TINF2: variants seen among roughly 807,000 people sequenced by gnomAD.
The protein encoded by TINF2 is TERF1-interacting nuclear factor 2.
TINF2 carries 27 observed loss-of-function variants against 50.4 expected under a neutral mutation model. That is an observed-to-expected ratio of 0.54 (90% CI 0.40 to 0.74). The LOEUF is 0.74. Ranked by LOEUF, TINF2 falls within the 30% of genes least tolerant of loss-of-function variation. The probability of loss-of-function intolerance (pLI) is 0.00; values close to 1 mark genes in which losing one functional copy is unlikely to be tolerated. For missense variants in TINF2, 496 were observed against 551.5 expected (o/e 0.90, Z 1.01); for synonymous variants, 223 against 214.6 (o/e 1.04, Z -0.34).
chr14:24,239,934 G>T lies in TINF2; in HGVS notation c.1222-3C>A, dbSNP rs760553298. ...TTCTGATAGTTTTCCAGAGATTCCTGTAGAGAAGGGAGCAGGGAGAGCCTA... is the reference window on the plus strand; with the variant it reads ...TTCTGATAGTTTTCCAGAGATTCCTTTAGAGAAGGGAGCAGGGAGAGCCTA... On this transcript the variant is annotated splice_region_variant and splice_polypyrimidine_tract_variant and intron_variant, in intron 8 of 8. Transcript: ENST00000267415. The T allele has an allele frequency of 1.2e-5, 19 of 1,614,158 alleles. No homozygotes were observed. The South Asian group carries it at 2.0e-4, about 17-fold the overall frequency.
At position 24,240,792 on chromosome 14, in the gene TINF2, G is replaced by T; in HGVS notation, c.688C>A (p.Pro230Thr). 1 of 1,614,016 alleles carries T rather than the reference G, an allele frequency of 6.2e-7. No individual in the cohort carries two copies. The highest frequency in any genetic ancestry group is 8.5e-7 in the Non-Finnish European group (1 of 1,180,016). ...GTGCCAGGCTTGGCTTTTGGCAGGG[G>T]ATTGTGGAGTGCTAGTCTTTGTTGC... The part of the protein sequence containing the change: ...PQQQRLALHN[P>T]LPKAKPGTHL... Residue 230 changes from proline to threonine, a missense_variant, in exon 6 of 9, where the codon CCC becomes ACC. By Grantham distance (38) the Pro-to-Thr change is conservative (BLOSUM62 -1). Coordinates refer to ENST00000267415, the MANE Select transcript of TINF2 (RefSeq NM_001099274.3).
chr14:24,239,893 G>A lies in TINF2; in HGVS notation c.1260C>T (p.Thr420=). ...LENYQKTKFD[T]LIPTLCEYLP... is the part of the protein sequence containing the mutation. ...GGTATTCACAGAGAGTGGGTATCAA[G>A]GTGTCAAACTTTGTCTTCTGATAGT... The change falls in exon 9 of 9, where the codon ACC becomes ACT. Residue 420 remains threonine, a synonymous_variant. Coordinates refer to ENST00000267415, the MANE Select transcript of TINF2 (RefSeq NM_001099274.3). 6.2e-7 allele frequency: 1 copy of A among 1,614,196 alleles called. No homozygotes were observed. The highest frequency in any genetic ancestry group is 8.5e-7 in the Non-Finnish European group (1 of 1,180,030).
rs753246049 is a variant in TINF2, at chr14:24,241,787, T to C, written c.298-11A>G. 6.2e-7 allele frequency: 1 copy of C among 1,613,734 alleles called. No individual in the cohort carries two copies. Among genetic ancestry groups the C allele is most frequent in the Non-Finnish European group, 8.5e-7 (1 of 1,179,744 alleles). On this transcript the variant is annotated splice_polypyrimidine_tract_variant and intron_variant, in intron 2 of 8. Transcript: ENST00000267415. ...CAGATCCTGCTTTGTCTGTTGAGGA[T>C]ACAGAAGACAGAGAAGTTAGCACCA... is the stretch of plus-strand genomic sequence containing the variant.
Position 24,240,448 on chromosome 14 carries a change from T to C in TINF2, c.1032A>G (p.Pro344=), listed in dbSNP as rs1295609085. 4.3e-6 allele frequency: 7 copies of C among 1,614,216 alleles called. No homozygotes were observed. In the South Asian group the frequency reaches 7.7e-5, roughly 18 times the overall value. The part of the protein sequence containing the change: ...TLGGRALKEN[P]VDLPATEQKE... ...TTTGCTCTGTGGCAGGCAAGTCAAC[T>C]GGGTTCTCCTTCAGAGCCCTTCCCC... is the stretch of plus-strand genomic sequence containing the variant. The change falls in exon 6 of 9, where the codon CCA becomes CCG. Residue 344 remains proline, a synonymous_variant. Coordinates refer to ENST00000267415, the MANE Select transcript of TINF2 (RefSeq NM_001099274.3).
Position 24,240,894 on chromosome 14 carries a change from C to T in TINF2, c.605-19G>A. 1.2e-6 allele frequency: 2 copies of T among 1,614,032 alleles called. No individual in the cohort carries two copies. Among genetic ancestry groups the T allele is most frequent in the Non-Finnish European group, 1.7e-6 (2 of 1,180,010 alleles). Reference sequence around the variant, plus strand: ...GAGCACTCTGAAAAAGAAAATGAGGCCCCTTATAAAGAGAACAGATAGTAA... The same window carrying T: ...GAGCACTCTGAAAAAGAAAATGAGGTCCCTTATAAAGAGAACAGATAGTAA... On this transcript the variant is annotated intron_variant, in intron 5 of 8. Transcript: ENST00000267415.
rs754494652 is a variant in TINF2 at position 24,242,306 on chromosome 14, G to A, written c.27C>T (p.Pro9=). The change falls in exon 1 of 9, where the codon CCC becomes CCT. Residue 9 remains proline, a synonymous_variant. Coordinates refer to ENST00000267415, the MANE Select transcript of TINF2 (RefSeq NM_001099274.3). MATPLVAG[P]AALRFAAAAS... ...CCGCGGCGGCGAAGCGTAGAGCTGC[G>A]GGACCCGCCACCAGGGGCGTAGCCA... 6.2e-7 allele frequency: 1 copy of A among 1,612,948 alleles called. No individual in the cohort carries two copies. Among genetic ancestry groups the A allele is most frequent in the East Asian group, 2.2e-5 (1 of 44,862 alleles).
rs747931728 is a variant in TINF2 at position 24,241,711 on chromosome 14, C to G, written c.363G>C (p.Leu121=). The stretch of plus-strand genomic sequence containing the variant: ...AGGCCAAATCCACAGGAGCCTCTGA[C>G]AGCTGCTTCACCTGCTGGTAAAAAG... ...QETFYQQVKQ[L]SEAPVDLASK... is the part of the protein sequence containing the mutation. The change falls in exon 3 of 9, where the codon CTG becomes CTC. Residue 121 remains leucine, a synonymous_variant. Transcript: ENST00000267415. The G allele has an allele frequency of 6.2e-7, 1 of 1,613,086 alleles. No individual in the cohort carries two copies. Among genetic ancestry groups the G allele is most frequent in the Non-Finnish European group, 8.5e-7 (1 of 1,179,524 alleles).
Position 24,240,310 on chromosome 14 carries a change from A to ATGTAGCAAT in TINF2, c.1073_1081dup (p.Tyr360_Met361insAsnCysTyr), listed in dbSNP as rs776727691. The ATGTAGCAAT allele has an allele frequency of 3.1e-5, 50 of 1,613,986 alleles. No homozygotes were observed. The African/African-American group carries it at 6.0e-4, about 19-fold the overall frequency. On this transcript the variant is annotated inframe_insertion, in exon 7 of 9. Coordinates refer to ENST00000267415, the MANE Select transcript of TINF2 (RefSeq NM_001099274.3). ...TAATAATGATAGTCTCAGGGGGTCC[A>ATGTAGCAAT]TGTAGCAATCCAAGCAATTCCTGAG...
At position 24,242,542 on chromosome 14, in the gene TINF2, G is replaced by A; in HGVS notation, c.-210C>T. ...CTTCTGGCTCGGGCTGGAGGAGCCT[G>A]AGTGGAGAAGCTGACCGTCTCCAGT... On this transcript the variant is annotated 5_prime_UTR_variant, in exon 1 of 9. Coordinates refer to ENST00000267415, the MANE Select transcript of TINF2 (RefSeq NM_001099274.3). 1 of 1,416,882 alleles carries A rather than the reference G, an allele frequency of 7.1e-7. No individual in the cohort carries two copies. The highest frequency in any genetic ancestry group is 9.2e-7 in the Non-Finnish European group (1 of 1,089,586). The allele number at this position is 1,416,882 out of a possible 1,614,324, so 87.8% of individuals were successfully genotyped here. A position where few individuals can be genotyped will look rare whatever the true frequency, so the allele number is the denominator to read the frequency against.
At position 24,240,691 on chromosome 14, in the gene TINF2, T is replaced by A; in HGVS notation, c.789A>T (p.Leu263=). ...LAGRHFNLAP[L]GRRRVQSQWA... ...ATTGGGACTGAACTCTTCGTCGGCC[T>A]AGAGGGGCCAGATTGAAGTGTCGGC... Residue 263 remains leucine, a synonymous_variant, in exon 6 of 9, where the codon CTA becomes CTT. Coordinates refer to ENST00000267415, the MANE Select transcript of TINF2 (RefSeq NM_001099274.3). 1 of 1,614,008 alleles carries A rather than the reference T, an allele frequency of 6.2e-7. No individual in the cohort carries two copies. The highest frequency in any genetic ancestry group is 1.7e-5 in the Admixed American group (1 of 59,990).
In TINF2 at chr14:24,240,567, T is replaced by C. The variant is rs149375623; in HGVS notation, c.913A>G (p.Ser305Gly). Reference protein sequence around the residue: ...SPTQVISKPESKEEHAIYTAD... With the variant: ...SPTQVISKPEGKEEHAIYTAD... Reference sequence around the variant, plus strand: ...GTGTATATCGCATGTTCTTCCTTGCTCTCAGGCTTAGATATGACCTGGGTT... The same window carrying C: ...GTGTATATCGCATGTTCTTCCTTGCCCTCAGGCTTAGATATGACCTGGGTT... Residue 305 changes from serine to glycine, a missense_variant, in exon 6 of 9, where the codon AGC becomes GGC. By Grantham distance (56) the Ser-to-Gly change is moderately conservative. Coordinates refer to ENST00000267415, the MANE Select transcript of TINF2 (RefSeq NM_001099274.3). 11 of 1,614,202 alleles carry C rather than the reference T, an allele frequency of 6.8e-6. No homozygotes were observed. Among genetic ancestry groups the C allele is most frequent in the Non-Finnish European group, 9.3e-6 (11 of 1,180,036 alleles).
At position 24,241,943 on chromosome 14, in the gene TINF2, C is replaced by T. The variant is rs1226118232; in HGVS notation, c.244G>A (p.Ala82Thr). Residue 82 changes from alanine (A) to threonine (T), a missense_variant, in exon 2 of 9, where the codon GCC becomes ACC. Ala to Thr is a moderately conservative substitution (Grantham distance 58, BLOSUM62 0). Around this residue, in one of 3 missense-constraint regions of TINF2, gnomAD observed 314 missense variants for 343.8 expected, o/e 0.91. Transcript: ENST00000267415. The part of the protein sequence containing the change: ...QGRPWAQVLK[A>T]LNHHFPESGP... ...GATTCTGGAAAGTGGTGATTCAGGG[C>T]TTTCAGGACTTGGGCCCAAGGCCGG... 1 of 1,614,240 alleles carries T rather than the reference C, an allele frequency of 6.2e-7. No homozygotes were observed. Among genetic ancestry groups the T allele is most frequent in the South Asian group, 1.1e-5 (1 of 91,090 alleles).
chr14:24,242,091 A>T (rs1337181657), intron 1 of TINF2, 50 bp downstream of exon 1: 1 of 1,614,160 alleles, frequency 6.2e-7, no homozygotes, highest in Non-Finnish European at 8.5e-7. Context: ...AGGTGCTCGC[A>T]TCCCGCCCCT....
rs1290755897 is a variant in TINF2, at chr14:24,239,656, A to G, written c.*141T>C. 1.9e-6 allele frequency: 3 copies of G among 1,560,160 alleles called. No individual in the cohort carries two copies. The highest frequency in any genetic ancestry group is 2.3e-5 in the East Asian group (1 of 42,804). On this transcript the variant is annotated 3_prime_UTR_variant, in exon 9 of 9. Coordinates refer to ENST00000267415, the MANE Select transcript of TINF2 (RefSeq NM_001099274.3). The stretch of plus-strand genomic sequence containing the variant: ...ATCAAGGCAGTATTTTAACAAATCC[A>G]AAGTTTAATTATTAAGGATTACAAA...
intron 2 of TINF2, 38 bp downstream of exon 2, chr14:24,241,852 T>A (rs369327266): frequency 1.1e-5 from 18 of 1,613,744 alleles, no homozygotes; most frequent in Non-Finnish European, 1.4e-5. Context: ...CTGCACCAAG[T>A]GTAACTGGGG....
Position 24,239,748 on chromosome 14 carries a change from C to T in TINF2, c.*49G>A, listed in dbSNP as rs1594548243. ...CACTTCATTCCTACTAAACTACTTG[C>T]AGAGCTGAGGAGGCAGGAGACTAGA... On this transcript the variant is annotated 3_prime_UTR_variant, in exon 9 of 9. Transcript: ENST00000267415. 2 of 1,614,014 alleles carry T rather than the reference C, an allele frequency of 1.2e-6. No homozygotes were observed. The highest frequency in any genetic ancestry group is 1.7e-6 in the Non-Finnish European group (2 of 1,179,970).
rs758462532 is a variant in TINF2 at position 24,241,934 on chromosome 14, G to C, written c.253C>G (p.His85Asp). The change falls in exon 2 of 9, where the codon CAC becomes GAC. Residue 85 changes from histidine (H) to aspartate (D), a missense_variant. Physicochemically the swap from His to Asp is moderately conservative, Grantham distance 81. This residue lies in a region of TINF2 where 314 missense variants were observed against 343.8 expected (regional missense o/e 0.91). Coordinates refer to ENST00000267415, the MANE Select transcript of TINF2 (RefSeq NM_001099274.3). Reference protein sequence around the residue: ...PWAQVLKALNHHFPESGPIVR... With the variant: ...PWAQVLKALNDHFPESGPIVR... ...ATAGGTCCAGATTCTGGAAAGTGGTGATTCAGGGCTTTCAGGACTTGGGCC... is the reference window on the plus strand; with the variant it reads ...ATAGGTCCAGATTCTGGAAAGTGGTCATTCAGGGCTTTCAGGACTTGGGCC... 6 of 1,614,080 alleles carry C rather than the reference G, an allele frequency of 3.7e-6. No homozygotes were observed. In the Admixed American group the frequency reaches 1.0e-4, roughly 27 times the overall value.
chr14:24,241,736 G>A lies in TINF2; in HGVS notation c.338C>T (p.Thr113Ile). The A allele has an allele frequency of 1.2e-6, 2 of 1,613,646 alleles. No individual in the cohort carries two copies. Among genetic ancestry groups the A allele is most frequent in the South Asian group, 2.2e-5 (2 of 90,866 alleles). ...DLRKILEAQE[T>I]FYQQVKQLSE... is the part of the protein sequence containing the mutation. Reference sequence around the variant, plus strand: ...CAGCTGCTTCACCTGCTGGTAAAAAGTTTCCTGTGCCTCCAAAATCTTCCT... The same window carrying A: ...CAGCTGCTTCACCTGCTGGTAAAAAATTTCCTGTGCCTCCAAAATCTTCCT... Residue 113 changes from threonine (T) to isoleucine (I), a missense_variant, in exon 3 of 9, where the codon ACT becomes ATT. Around this residue, in one of 3 missense-constraint regions of TINF2, gnomAD observed 314 missense variants for 343.8 expected, o/e 0.91. Coordinates refer to ENST00000267415, the MANE Select transcript of TINF2 (RefSeq NM_001099274.3).
At position 24,241,209 on chromosome 14, in the gene TINF2, G is replaced by A; in HGVS notation, c.502C>T (p.Gln168Ter). 1.2e-6 allele frequency: 2 copies of A among 1,614,196 alleles called. No individual in the cohort carries two copies. The highest frequency in any genetic ancestry group is 1.7e-6 in the Non-Finnish European group (2 of 1,180,030). Residue 168 changes from glutamine (Q) to a stop codon, truncating the protein, a stop_gained, in exon 4 of 9, where the codon CAG becomes TAG. Coordinates refer to ENST00000267415, the MANE Select transcript of TINF2 (RefSeq NM_001099274.3). LOFTEE classifies it high-confidence loss of function. ...ATGTTTTGCCCCAGCGAAACCTGCT[G>A]TGCCTGCGGTGTAGGCAGTGCTTTC... ...LEKALPTPQAQQLQDVLSWMQ... is the reference protein window; with the variant it reads ...LEKALPTPQA
Sources: allele counts gnomAD v4.1 joint callset, GRCh38; gene constraint gnomAD v4.1.1; regional missense constraint gnomAD v4.1.1; transcripts MANE v1.5; gene names NCBI Gene and HGNC (gene_info 2026-07-23, HGNC 2026-07-21).